The following WDR70 variants were observed in gnomAD, a reference collection of about 807,000 sequenced individuals.
WDR70 encodes the protein WD repeat-containing protein 70.
In WDR70, 53 loss-of-function variants were observed where a neutral mutation model predicts 88.6. The observed-to-expected ratio is 0.60, with a 90% CI of 0.48 to 0.75. The LOEUF (loss-of-function observed/expected upper bound fraction) is 0.75. Among genes scored for constraint, WDR70 ranks in the 30% least tolerant of loss-of-function variants. The probability of loss-of-function intolerance (pLI) is 0.00; values close to 1 mark genes in which losing one functional copy is unlikely to be tolerated. For synonymous variants in WDR70, 280 were observed against 270.0 expected (o/e 1.04, Z -0.36); for missense variants, 610 against 823.2 (o/e 0.74, Z 3.17).
chr5:37,703,124 A>G (rs1443137039), intron 13 of WDR70, 37 bp downstream of exon 13: 1 of 1,581,662 alleles, frequency 6.3e-7, no homozygotes, highest in Admixed American at 1.7e-5. Flanking sequence ...TTGAGAATAC[A>G]TAAAGTTTGC....
intron 10 of WDR70, among the ~76,000 whole-genome samples, chr5:37,693,470 G>T (rs1265915419): frequency 2.0e-5 from 3 of 151,884 alleles, no homozygotes; most frequent in Non-Finnish European, 2.9e-5. Context: ...ATAGTACAAG[G>T]TTACAGTAAC....
intron 7 of WDR70, among the ~76,000 whole-genome samples, chr5:37,473,326 C>T (rs1739383442): frequency 6.8e-6 from 1 of 147,094 alleles, no homozygotes; most frequent in South Asian, 2.2e-4. Flanking sequence ...TACTCTGTAG[C>T]TTGGTGTATT....
chr5:37,519,374 T>C (rs1392709457), intron 9 of WDR70, among the ~76,000 whole-genome samples: 37 of 100,808 alleles, frequency 3.7e-4, no homozygotes, highest in South Asian at 7.5e-4. Flanking sequence ...CGCTCCTCAC[T>C]TCCCAGATGG....
rs1376352754 is a variant in WDR70, at chr5:37,623,788, T to A, written c.1092+18550T>A. ...TATAGAGTTCAAATAAGATAAACTG[T>A]GTAAGTACACAGCACAGTCCCTGGT... is the stretch of plus-strand genomic sequence containing the variant. On this transcript the variant is annotated intron_variant, in intron 10 of 17. Transcript: ENST00000265107. 2.0e-5 allele frequency among the ~76,000 whole-genome samples: 3 copies of A among 152,144 alleles called. No homozygotes were observed. In the South Asian group the frequency reaches 6.2e-4, roughly 31 times the overall value.
chr5:37,581,457 C>T (rs1267932858), intron 9 of WDR70, among the ~76,000 whole-genome samples: 2 of 152,110 alleles, frequency 1.3e-5, no homozygotes, highest in African/African-American at 2.4e-5. Flanking sequence ...TAAAAACAGG[C>T]AAAATGACTT....
intron 9 of WDR70, among the ~76,000 whole-genome samples, chr5:37,517,430 C>T (rs187934129): frequency 4.0e-5 from 6 of 150,812 alleles, no homozygotes; most frequent in Admixed American, 1.3e-4. Context: ...TGCAATGGCA[C>T]GATCTCAGCT....
At chr5:37,392,340 C>A (rs910805873) in intron 4 of WDR70, among the ~76,000 whole-genome samples, 4 of 151,672 alleles carry the variant, frequency 2.6e-5, no homozygotes, top group Non-Finnish European at 5.9e-5. Flanking sequence ...TGCGCTACCA[C>A]CCCTGGCTAA....
At chr5:37,478,878 C>T (rs1207782576) in intron 7 of WDR70, among the ~76,000 whole-genome samples, 1 of 152,062 alleles carries the variant, frequency 6.6e-6, no homozygotes, top group African/African-American at 2.4e-5. Context: ...GGGTAGCACA[C>T]CACTGTATTC....
intron 10 of WDR70, among the ~76,000 whole-genome samples, chr5:37,640,111 A>G (rs1259865531): frequency 1.3e-5 from 2 of 152,170 alleles, no homozygotes; most frequent in East Asian, 1.9e-4. Context: ...CCCTATGGAC[A>G]TTTGCAAGTG....
intron 9 of WDR70, among the ~76,000 whole-genome samples, chr5:37,528,444 A>C (rs375892436): frequency 6.6e-6 from 1 of 152,110 alleles, no homozygotes; most frequent in Non-Finnish European, 1.5e-5. Flanking sequence ...ACCCTTGGAC[A>C]CAGGAAGGGG....
intron 8 of WDR70, chr5:37,505,784 A>G: frequency 1.4e-6 from 2 of 1,404,754 alleles, no homozygotes; most frequent in South Asian, 1.2e-5. Context: ...CTTGAAGATC[A>G]CACCCAGACA....
At chr5:37,688,507 C>T (rs1481986923) in intron 10 of WDR70, among the ~76,000 whole-genome samples, 1 of 151,990 alleles carries the variant, frequency 6.6e-6, no homozygotes, top group Non-Finnish European at 1.5e-5. Context: ...AAGTACAGGA[C>T]TTTTGGGTAA....
intron 7 of WDR70, among the ~76,000 whole-genome samples, chr5:37,470,106 G>A (rs1739278855): frequency 1.4e-5 from 2 of 144,212 alleles, no homozygotes; most frequent in Non-Finnish European, 3.0e-5. Context: ...GGATGCCCAT[G>A]TAAGCAAAAA....
At chr5:37,542,146 A>G (rs1490306626) in intron 9 of WDR70, among the ~76,000 whole-genome samples, 1 of 152,244 alleles carries the variant, frequency 6.6e-6, no homozygotes, top group Non-Finnish European at 1.5e-5. Flanking sequence ...GAAAAAATAC[A>G]TAGTCAACCA....
chr5:37,415,302 C>T lies in WDR70; in HGVS notation c.492+18732C>T, dbSNP rs570862084. On this transcript the variant is annotated intron_variant, in intron 5 of 17. Transcript: ENST00000265107. ...GTTCTCAATGAGCTGTTGGGTACAC[C>T]TCCCAGACGGGGTGGTGGCCGGGCA... Among the ~76,000 whole-genome samples, 12 of 151,686 alleles carry T rather than the reference C, an allele frequency of 7.9e-5. No homozygotes were observed. In the East Asian group the frequency reaches 1.6e-3, roughly 20 times the overall value.
intron 9 of WDR70, among the ~76,000 whole-genome samples, chr5:37,595,396 G>C (rs1476596317): frequency 1.3e-5 from 2 of 152,124 alleles, no homozygotes; most frequent in Non-Finnish European, 2.9e-5. Context: ...TGTGTGTGTA[G>C]TATTTATACA....
intron 5 of WDR70, among the ~76,000 whole-genome samples, chr5:37,426,559 A>C (rs1750129626): frequency 6.6e-6 from 1 of 152,306 alleles, no homozygotes; most frequent in Middle Eastern, 3.4e-3. Flanking sequence ...GGCCTTACTT[A>C]CATAGCGGGT....
intron 9 of WDR70, among the ~76,000 whole-genome samples, chr5:37,572,847 C>G (rs1023275065): frequency 6.6e-6 from 1 of 152,194 alleles, no homozygotes; most frequent in East Asian, 1.9e-4. Context: ...CTTAAAACCT[C>G]TAGGCTTTGG....
intron 7 of WDR70, among the ~76,000 whole-genome samples, chr5:37,456,634 T>C (rs1415706509): frequency 1.3e-5 from 2 of 152,194 alleles, no homozygotes; most frequent in Non-Finnish European, 2.9e-5. Context: ...AATGGAAGTG[T>C]ATTATATGGG....
Sources: gnomAD v4.1 joint callset for allele counts (sites outside exome capture counted in the v4.1 genomes callset) on GRCh38, gnomAD v4.1.1 for gene constraint, MANE v1.5 for transcripts, NCBI Gene and HGNC (gene_info 2026-07-23, HGNC 2026-07-21) for gene names.